DENND1A: variants seen among roughly 807,000 people sequenced by gnomAD.
DENND1A encodes DENN domain-containing protein 1A.
Under a neutral mutation model 113.7 loss-of-function variants are expected in DENND1A, and 51 were observed. The ratio of observed to expected loss-of-function variants is 0.45; its 90% CI spans 0.36 to 0.57. The LOEUF (loss-of-function observed/expected upper bound fraction) is 0.57, where lower values mean the gene tolerates loss of function less well. DENND1A is among the 20% of genes least tolerant of loss of function. The pLI, the probability that DENND1A is intolerant of heterozygous loss-of-function variation, is 0.00. For synonymous variants in DENND1A, 565 were observed against 570.8 expected (o/e 0.99, Z 0.14); for missense variants, 1,258 against 1,395.9 (o/e 0.90, Z 1.57).
chr9:123,683,815 T>C (rs955058655), intron 5 of DENND1A, among the ~76,000 whole-genome samples: 1 of 152,228 alleles, frequency 6.6e-6, no homozygotes, highest in African/African-American at 2.4e-5. Context: ...CAATAAATCA[T>C]AGCTTACCTT....
At chr9:123,810,565 A>C (rs1285226765) in intron 2 of DENND1A, among the ~76,000 whole-genome samples, 1 of 151,090 alleles carries the variant, frequency 6.6e-6, no homozygotes, top group Non-Finnish European at 1.5e-5. Context: ...AAAAAAAAAA[A>C]AAAACAAACA....
At chr9:123,719,528 A>G (rs964207231) in intron 5 of DENND1A, among the ~76,000 whole-genome samples, 1 of 152,228 alleles carries the variant, frequency 6.6e-6, no homozygotes, top group African/African-American at 2.4e-5. Context: ...CTCTGCTGCT[A>G]TTATTAATCC....
chr9:123,897,612 A>C (rs1850968450), intron 1 of DENND1A, among the ~76,000 whole-genome samples: 1 of 152,224 alleles, frequency 6.6e-6, no homozygotes, highest in African/African-American at 2.4e-5. Flanking sequence ...AGGGCAGTTC[A>C]AGAAAATGAC....
intron 13 of DENND1A, among the ~76,000 whole-genome samples, chr9:123,548,718 A>G (rs1488212379): frequency 1.3e-5 from 2 of 152,250 alleles, no homozygotes; most frequent in African/African-American, 4.8e-5. Flanking sequence ...CAGATAGTGG[A>G]ATATTATTCA....
At chr9:123,585,575 C>T (rs1319834980) in intron 11 of DENND1A, among the ~76,000 whole-genome samples, 1 of 152,196 alleles carries the variant, frequency 6.6e-6, no homozygotes, top group African/African-American at 2.4e-5. Flanking sequence ...CTAGCTGGCT[C>T]ACTCTGCAAC....
intron 9 of DENND1A, among the ~76,000 whole-genome samples, chr9:123,641,737 A>G (rs2062039641): frequency 6.6e-6 from 1 of 152,234 alleles, no homozygotes; most frequent in African/African-American, 2.4e-5. Context: ...CAGCCACCAA[A>G]GAATAAATAT....
At chr9:123,487,345 C>G (rs1230715134) in intron 13 of DENND1A, among the ~76,000 whole-genome samples, 1 of 152,230 alleles carries the variant, frequency 6.6e-6, no homozygotes, top group Non-Finnish European at 1.5e-5. Flanking sequence ...CCCAAGTCAG[C>G]TGGCAGGTTT....
chr9:123,684,644 T>C (rs548993499), intron 5 of DENND1A, among the ~76,000 whole-genome samples: 1 of 152,342 alleles, frequency 6.6e-6, no homozygotes, highest in Admixed American at 6.5e-5. Flanking sequence ...GATAACCACA[T>C]TTAGCTTCAA....
chr9:123,578,158 C>T (rs537078026), intron 12 of DENND1A, among the ~76,000 whole-genome samples: 51 of 152,288 alleles, frequency 3.3e-4, no homozygotes, highest in Non-Finnish European at 6.2e-4. Flanking sequence ...AAATGTAAAC[C>T]ATCTCCCCTT....
intron 19 of DENND1A, among the ~76,000 whole-genome samples, chr9:123,432,897 G>A (rs371280382): frequency 1.3e-5 from 2 of 152,204 alleles, no homozygotes; most frequent in African/African-American, 2.4e-5. Flanking sequence ...CTGGGCTTGG[G>A]TTTTGCCTTT....
At chr9:123,417,298 G>A (rs2044813149) in intron 19 of DENND1A, among the ~76,000 whole-genome samples, 1 of 152,200 alleles carries the variant, frequency 6.6e-6, no homozygotes, top group African/African-American at 2.4e-5. Context: ...AAAGCTGTGT[G>A]CTATCAGCAA....
In DENND1A at chr9:123,930,126, T is replaced by G; in HGVS notation, c.-221A>C. 5 of 179,162 alleles carry G rather than the reference T, an allele frequency of 2.8e-5. No individual in the cohort carries two copies. Among genetic ancestry groups the G allele is most frequent in the Non-Finnish European group, 5.7e-5 (5 of 87,726 alleles). The allele number at this position is 179,162 out of a possible 1,614,324, so 11.1% of individuals were successfully genotyped here. On this transcript the variant is annotated 5_prime_UTR_variant, in exon 1 of 24. Transcript: ENST00000394215. The stretch of plus-strand genomic sequence containing the variant: ...CGAACGCCATGGTCGCCGGCGCGCG[T>G]GCCCGGCGCGCGCCGCCCCCTCCGC...
In DENND1A at chr9:123,438,642, C is replaced by T. The variant is rs972230906; in HGVS notation, c.1488+1718G>A. Among the ~76,000 whole-genome samples, 7 of 152,138 alleles carry T rather than the reference C, an allele frequency of 4.6e-5. 1 individual carries two copies. The South Asian group carries it at 8.3e-4, about 18-fold the overall frequency. Reference sequence around the variant, plus strand: ...TACACTTGCATAATGCTGGCAGCCACGTGAGGGAAGTGACAAACAGGGAAA... The same window carrying T: ...TACACTTGCATAATGCTGGCAGCCATGTGAGGGAAGTGACAAACAGGGAAA... On this transcript the variant is annotated intron_variant, in intron 19 of 23. Transcript: ENST00000394215.
chr9:123,452,347 T>C lies in DENND1A; in HGVS notation c.1228A>G (p.Lys410Glu). 2 of 1,614,108 alleles carry C rather than the reference T, an allele frequency of 1.2e-6. No homozygotes were observed. The highest frequency in any genetic ancestry group is 8.5e-7 in the Non-Finnish European group (1 of 1,179,930). ...GTATTCAGAATTGCTCCACTTCCTT[T>C]CTATAATAAAAATGTCAATTAGCAA... ...LYHQWLSTVRKGSGAILNTVK... is the reference protein window; with the variant it reads ...LYHQWLSTVREGSGAILNTVK... The change falls in exon 17 of 24, where the codon AAA becomes GAA. Residue 410 changes from lysine to glutamate, a missense_variant and splice_region_variant. Lys to Glu is a moderately conservative substitution (Grantham distance 56, BLOSUM62 1). This residue lies in a region of DENND1A where 1,159 missense variants were observed against 1,231.7 expected (regional missense o/e 0.94). Coordinates refer to ENST00000394215, the MANE Select transcript of DENND1A (RefSeq NM_001352964.2).
At chr9:123,905,241 G>A (rs548382310) in intron 1 of DENND1A, among the ~76,000 whole-genome samples, 7 of 152,070 alleles carry the variant, frequency 4.6e-5, no homozygotes, top group Middle Eastern at 3.4e-3. Context: ...GGTACCAGCC[G>A]CTGCAAAATC....
chr9:123,488,972 A>G (rs2051124540), intron 13 of DENND1A, among the ~76,000 whole-genome samples: 2 of 152,160 alleles, frequency 1.3e-5, no homozygotes, highest in African/African-American at 4.8e-5. Flanking sequence ...CCCACACTCA[A>G]AACATTTCCT....
chr9:123,858,992 T>C (rs889240215), intron 2 of DENND1A, among the ~76,000 whole-genome samples: 5 of 152,202 alleles, frequency 3.3e-5, no homozygotes, highest in Admixed American at 6.5e-5. Context: ...TAGTCATGTG[T>C]AGTTCACAGA....
chr9:123,596,497 C>G (rs547039206), intron 11 of DENND1A, among the ~76,000 whole-genome samples: 2 of 152,268 alleles, frequency 1.3e-5, no homozygotes, highest in South Asian at 2.1e-4. Context: ...TACAGAAGAA[C>G]AACCTGAAGC....
rs906766766 is a variant in DENND1A at position 123,565,647 on chromosome 9, G to A, written c.868-7952C>T. 7.9e-5 allele frequency among the ~76,000 whole-genome samples: 12 copies of A among 152,286 alleles called. 1 individual carries two copies. The highest frequency in any genetic ancestry group is 3.9e-4 in the Admixed American group (6 of 15,292). ...CTAAAGTCCCATAGGGAATGTGTGCGTCTGGAGAGGGGAGAAAGGATTAGT... is the reference window on the plus strand; with the variant it reads ...CTAAAGTCCCATAGGGAATGTGTGCATCTGGAGAGGGGAGAAAGGATTAGT... On this transcript the variant is annotated intron_variant, in intron 12 of 23. Coordinates refer to ENST00000394215, the MANE Select transcript of DENND1A (RefSeq NM_001352964.2).
Sources: gnomAD v4.1 joint callset for allele counts (sites outside exome capture counted in the v4.1 genomes callset) on GRCh38, gnomAD v4.1.1 for gene constraint, gnomAD v4.1.1 regional missense constraint, MANE v1.5 for transcripts, NCBI Gene and HGNC (gene_info 2026-07-23, HGNC 2026-07-21) for gene names.